Variants in ADAMTS12 observed in about 807,000 individuals in gnomAD.
ADAMTS12 encodes the protein ADAM metallopeptidase with thrombospondin type 1 motif 12, also known as A disintegrin and metalloproteinase with thrombospondin motifs 12.
Under a neutral mutation model 167.8 loss-of-function variants are expected in ADAMTS12, and 118 were observed. The ratio of observed to expected loss-of-function variants is 0.70; its 90% confidence interval spans 0.61 to 0.82. The LOEUF (loss-of-function observed/expected upper bound fraction) is 0.82. Ranked by LOEUF, ADAMTS12 falls within the 40% of genes least tolerant of loss-of-function variation. ADAMTS12 has a pLI of 0.00. For synonymous variants in ADAMTS12, 704 were observed against 716.9 expected, an observed-to-expected ratio of 0.98 and a Z score of 0.29; for missense variants, 1,916 against 1,998.8, an observed-to-expected ratio of 0.96 and a Z score of 0.79.
chr5:33,629,585 G>T (rs547644680), intron 13 of ADAMTS12, among the ~76,000 whole-genome samples: 6 of 152,118 alleles, frequency 3.9e-5, no homozygotes, highest in Non-Finnish European at 8.8e-5. Context: ...TGATGAAAAA[G>T]CCTCTGCAAA....
chr5:33,669,165 G>A (rs1486032774), intron 5 of ADAMTS12, among the ~76,000 whole-genome samples: 2 of 152,140 alleles, frequency 1.3e-5, no homozygotes, highest in Non-Finnish European at 2.9e-5. Context: ...ACATGTCTAT[G>A]TTCAGCAAAT....
intron 20 of ADAMTS12, among the ~76,000 whole-genome samples, chr5:33,558,163 C>T (rs1291761909): frequency 1.3e-5 from 2 of 151,814 alleles, no homozygotes; most frequent in East Asian, 1.9e-4. Flanking sequence ...TCCCCCAGTC[C>T]GTGGAAAAAG....
chr5:33,598,305 G>C lies in ADAMTS12; in HGVS notation c.2528-2245C>G, dbSNP rs576541658. Among the ~76,000 whole-genome samples the C allele has an allele frequency of 5.9e-5, 9 of 152,234 alleles. No individual in the cohort carries two copies. The South Asian group carries it at 1.0e-3, about 18-fold the overall frequency. Reference sequence around the variant, plus strand: ...AGTAGGTCGACCCCCTGACATTATAGGATAGCCAAGGGCTTCTTTCTCAAG... The same window carrying C: ...AGTAGGTCGACCCCCTGACATTATACGATAGCCAAGGGCTTCTTTCTCAAG... On this transcript the variant is annotated intron_variant, in intron 16 of 23. Coordinates refer to ENST00000504830, the MANE Select transcript of ADAMTS12 (RefSeq NM_030955.4).
rs369162696 is a variant in ADAMTS12, at chr5:33,641,975, G to A, written c.1573-20C>T. ...ACACCACTGGAAAGGGAAGAGGCAG[G>A]AGATGGCCGTATCAGGAAGGTTACC... On this transcript the variant is annotated intron_variant, in intron 10 of 23. Transcript: ENST00000504830. 44 of 1,595,020 alleles carry A rather than the reference G, an allele frequency of 2.8e-5. No homozygotes were observed. The highest frequency in any genetic ancestry group is 3.5e-5 in the Non-Finnish European group (41 of 1,167,054).
intron 13 of ADAMTS12, among the ~76,000 whole-genome samples, chr5:33,630,362 G>A (rs552811947): frequency 3.9e-5 from 6 of 152,260 alleles, no homozygotes; most frequent in South Asian, 4.2e-4. Flanking sequence ...TTGTCATGCC[G>A]TCTCTCTGAG....
At chr5:33,590,776 C>A (rs895209441) in intron 17 of ADAMTS12, among the ~76,000 whole-genome samples, 1 of 152,058 alleles carries the variant, frequency 6.6e-6, no homozygotes, top group Non-Finnish European at 1.5e-5. Context: ...TACCTGGCCA[C>A]GAAATAAATT....
At chr5:33,863,356 A>G (rs1281561038) in intron 2 of ADAMTS12, among the ~76,000 whole-genome samples, 1 of 152,254 alleles carries the variant, frequency 6.6e-6, no homozygotes, top group Non-Finnish European at 1.5e-5. Flanking sequence ...CTCAGGTTAC[A>G]AGATCAATGT....
intron 2 of ADAMTS12, among the ~76,000 whole-genome samples, chr5:33,786,168 G>T (rs981442958): frequency 1.4e-4 from 22 of 152,150 alleles, no homozygotes; most frequent in Admixed American, 9.8e-4. Context: ...TAGGAATGCA[G>T]ATTGCCAACA....
intron 2 of ADAMTS12, among the ~76,000 whole-genome samples, chr5:33,820,653 AT>A (rs891725507): frequency 2.1e-4 from 30 of 143,948 alleles, no homozygotes; most frequent in Middle Eastern, 3.5e-3. Context: ...ATAAAAAAAA[AT>A]TTGGAAAATA....
At chr5:33,835,907 ATCTC>A (rs60393220) in intron 2 of ADAMTS12, among the ~76,000 whole-genome samples, 86 of 111,844 alleles carry the variant, frequency 7.7e-4, no homozygotes, top group East Asian at 2.8e-3. Flanking sequence ...GATAATATCC[ATCTC>A]TCTCTCTCTC....
intron 2 of ADAMTS12, among the ~76,000 whole-genome samples, chr5:33,775,931 T>C (rs1020326285): frequency 2.6e-5 from 4 of 152,190 alleles, no homozygotes; most frequent in Admixed American, 1.3e-4. Flanking sequence ...CCTTCTGCCA[T>C]ATGAGGACAC....
chr5:33,829,213 C>T (rs1265061085), intron 2 of ADAMTS12, among the ~76,000 whole-genome samples: 1 of 152,084 alleles, frequency 6.6e-6, no homozygotes, highest in Non-Finnish European at 1.5e-5. Context: ...CTGTGCTCCT[C>T]CCCAAGCTGG....
At chr5:33,542,711 A>C (rs1317490583) in intron 22 of ADAMTS12, among the ~76,000 whole-genome samples, 1 of 152,154 alleles carries the variant, frequency 6.6e-6, no homozygotes, top group Non-Finnish European at 1.5e-5. Flanking sequence ...TAAGAAACTC[A>C]CTCAAAACCA....
chr5:33,758,927 G>A (rs1579911633), intron 2 of ADAMTS12, among the ~76,000 whole-genome samples: 2 of 152,160 alleles, frequency 1.3e-5, no homozygotes, highest in African/African-American at 4.8e-5. Flanking sequence ...AGGGAGGGGA[G>A]GAAAATTCTT....
At chr5:33,804,078 C>T (rs899547029) in intron 2 of ADAMTS12, among the ~76,000 whole-genome samples, 8 of 152,102 alleles carry the variant, frequency 5.3e-5, no homozygotes, top group Admixed American at 2.0e-4. Flanking sequence ...TAACACACAC[C>T]TCATGGGCTA....
At chr5:33,728,973 C>T (rs1159225220) in intron 3 of ADAMTS12, among the ~76,000 whole-genome samples, 1 of 152,142 alleles carries the variant, frequency 6.6e-6, no homozygotes, top group Non-Finnish European at 1.5e-5. Context: ...TATAAATGCA[C>T]ATACATATAT....
At chr5:33,649,451 G>A (rs1740794831) in intron 8 of ADAMTS12, 103 bp downstream of exon 8, 4 of 1,420,588 alleles carry the variant, frequency 2.8e-6, no homozygotes, top group Non-Finnish European at 3.8e-6. Context: ...CCTGTGGGAT[G>A]GAATCCAGCC....
rs113661724 is a variant in ADAMTS12 at position 33,529,410 on chromosome 5, A to T, written c.4607-2044T>A. Among the ~76,000 whole-genome samples the T allele has an allele frequency of 8.9e-4, 136 of 152,210 alleles. 4 individuals carry two copies. Among genetic ancestry groups the T allele is most frequent in the South Asian group, 6.2e-4 (3 of 4,822 alleles). On this transcript the variant is annotated intron_variant, in intron 23 of 23. Coordinates refer to ENST00000504830, the MANE Select transcript of ADAMTS12 (RefSeq NM_030955.4). ...CAATTAGATTTTTTTTTTTCTAGAAAGTGAAGTTGTTTTAAGCTTGCCTTA... is the reference window on the plus strand; with the variant it reads ...CAATTAGATTTTTTTTTTTCTAGAATGTGAAGTTGTTTTAAGCTTGCCTTA...
rs575313520 is a variant in ADAMTS12 at position 33,814,711 on chromosome 5, A to G, written c.490-63163T>C. On this transcript the variant is annotated intron_variant, in intron 2 of 23. Coordinates refer to ENST00000504830, the MANE Select transcript of ADAMTS12 (RefSeq NM_030955.4). ...CTGGGAAAAAGAAAGAACTGGAAAA[A>G]TGGAGAGGCAAGTGTACAACATGCA... is the stretch of plus-strand genomic sequence containing the variant. 3.3e-5 allele frequency among the ~76,000 whole-genome samples: 5 copies of G among 152,334 alleles called. No homozygotes were observed. In the South Asian group the frequency reaches 1.0e-3, roughly 32 times the overall value.
Sources: gnomAD v4.1 joint callset for allele counts (sites outside exome capture counted in the v4.1 genomes callset) on GRCh38, gnomAD v4.1.1 for gene constraint, MANE v1.5 for transcripts, NCBI Gene and HGNC (gene_info 2026-07-23, HGNC 2026-07-21) for gene names.